RSF1: variants seen among roughly 807,000 people sequenced by gnomAD.
RSF1 encodes the protein HBV pX-associated protein 8.
A neutral mutation model predicts 145.2 loss-of-function variants in RSF1; 13 were observed. The ratio of observed to expected loss-of-function variants is 0.09; its 90% confidence interval spans 0.06 to 0.14. The LOEUF (loss-of-function observed/expected upper bound fraction) is 0.14, where lower values mean the gene tolerates loss of function less well. Among genes scored for constraint, RSF1 ranks in the 10% least tolerant of loss-of-function variants. The pLI is 1.00. For synonymous variants in RSF1, 577 were observed against 592.6 expected (o/e 0.97, Z 0.38); for missense variants, 1,517 against 1,718.2 (o/e 0.88, Z 2.07).
chr11:77,685,779 T>C (rs1959987979), intron 9 of RSF1, among the ~76,000 whole-genome samples: 1 of 152,210 alleles, frequency 6.6e-6, no homozygotes, highest in Non-Finnish European at 1.5e-5. Context: ...TAAGATTAGA[T>C]GGAAAGCCAC....
chr11:77,704,732 G>T lies in RSF1; in HGVS notation c.734-2237C>A, dbSNP rs370200903. 5.1e-3 allele frequency among the ~76,000 whole-genome samples: 748 copies of T among 147,298 alleles called. 10 individuals carry two copies. The highest frequency in any genetic ancestry group is 0.017 in the African/African-American group (699 of 40,058). ...TATTCTAAAAATGTTAAATTCTTTG[G>T]TTTTTTGTGTGTTTGCCTTGGTTTT... On this transcript the variant is annotated intron_variant, in intron 5 of 15. Coordinates refer to ENST00000308488, the MANE Select transcript of RSF1 (RefSeq NM_016578.4).
intron 5 of RSF1, among the ~76,000 whole-genome samples, chr11:77,725,156 G>A (rs1274204837): frequency 6.6e-6 from 1 of 152,168 alleles, no homozygotes; most frequent in African/African-American, 2.4e-5. Context: ...GAGATGGATG[G>A]TGGTGATGGG....
the RSF1 span, among the ~76,000 whole-genome samples, chr11:77,857,034 A>G: frequency 6.6e-6 from 1 of 152,258 alleles, no homozygotes; most frequent in Non-Finnish European, 1.5e-5. Flanking sequence ...GTGTAGCATC[A>G]TTAATTCACT....
At chr11:77,842,594 G>T in the RSF1 span, 2 of 1,613,912 alleles carry the variant, frequency 1.2e-6, no homozygotes, top group Non-Finnish European at 1.7e-6. Flanking sequence ...CCAGGGGGTA[G>T]TCGGACTTGG....
chr11:77,676,609 A>C (rs1313341312), intron 13 of RSF1, among the ~76,000 whole-genome samples, 183 bp downstream of exon 13: 1 of 152,218 alleles, frequency 6.6e-6, no homozygotes, highest in Non-Finnish European at 1.5e-5. Flanking sequence ...TTTCTGTTCT[A>C]AACTTTAAAA....
chr11:77,776,955 T>C (rs937561130), intron 1 of RSF1, among the ~76,000 whole-genome samples: 1 of 152,148 alleles, frequency 6.6e-6, no homozygotes, highest in South Asian at 2.1e-4. Context: ...CTGAACTTCT[T>C]GAACTACAAA....
In RSF1 at chr11:77,664,737, C is replaced by T. The variant is rs1959320056; in HGVS notation, c.*2180G>A. The T allele has an allele frequency of 1.3e-5, 2 of 152,170 alleles. No individual in the cohort carries two copies. 9.4% of individuals were successfully genotyped at this position (152,170 alleles called of 1,614,324 possible). On this transcript the variant is annotated 3_prime_UTR_variant, in exon 16 of 16. Coordinates refer to ENST00000308488, the MANE Select transcript of RSF1 (RefSeq NM_016578.4). ...TGCACTAGTAGAAATCTTTATATTG[C>T]TTGCCTGTTTTAGATGGTTTAAAAG...
chr11:77,831,623 T>C, the RSF1 span, among the ~76,000 whole-genome samples: 1 of 152,016 alleles, frequency 6.6e-6, no homozygotes, highest in East Asian at 1.9e-4. Flanking sequence ...TCCCAAGCCA[T>C]GCTTACTATG....
intron 4 of RSF1, among the ~76,000 whole-genome samples, chr11:77,726,937 C>T (rs190431671): frequency 3.5e-4 from 53 of 152,262 alleles, no homozygotes; most frequent in African/African-American, 1.3e-3. Flanking sequence ...AGAACAGATT[C>T]TCTTGAGTAT....
rs148115900 is a variant in RSF1 at position 77,674,569 on chromosome 11, C to T, written c.3562+467G>A. 2.7e-3 allele frequency among the ~76,000 whole-genome samples: 415 copies of T among 152,316 alleles called. 1 individual carries two copies. Among genetic ancestry groups the T allele is most frequent in the Non-Finnish European group, 2.9e-3 (200 of 68,030 alleles). On this transcript the variant is annotated intron_variant, in intron 14 of 15. Coordinates refer to ENST00000308488, the MANE Select transcript of RSF1 (RefSeq NM_016578.4). ...TTGACAACCAAGGAGTCATCACAAT[C>T]CTACTAGGCATCTGATATGAAGTTA...
chr11:77,872,145 T>G, the RSF1 span: 1 of 1,603,782 alleles, frequency 6.2e-7, no homozygotes, highest in East Asian at 2.2e-5. Flanking sequence ...CCTTTCCCCC[T>G]ACTTACTCAT....
intron 13 of RSF1, 146 bp downstream of exon 13, chr11:77,676,646 C>T (rs1161532102): frequency 1.8e-6 from 1 of 567,262 alleles, no homozygotes; most frequent in East Asian, 2.9e-5. Flanking sequence ...ATTCTTGAAT[C>T]TGCTTTAAAT....
chr11:77,686,627 A>T (rs1467504876), intron 9 of RSF1, among the ~76,000 whole-genome samples: 1 of 151,980 alleles, frequency 6.6e-6, no homozygotes, highest in Non-Finnish European at 1.5e-5. Context: ...TGCCCTGCTA[A>T]CAAGAATATT....
the RSF1 span, chr11:77,869,661 A>T: frequency 6.9e-7 from 1 of 1,457,616 alleles, no homozygotes; most frequent in Non-Finnish European, 9.6e-7. Flanking sequence ...TCCCACAAGA[A>T]TGCCTATTGC....
At chr11:77,737,334 G>C (rs1961378779) in intron 4 of RSF1, among the ~76,000 whole-genome samples, 1 of 151,936 alleles carries the variant, frequency 6.6e-6, no homozygotes, top group Non-Finnish European at 1.5e-5. Flanking sequence ...TGTAATCCCA[G>C]CTACTCAGGA....
the RSF1 span, among the ~76,000 whole-genome samples, chr11:77,840,548 A>C: frequency 6.6e-6 from 1 of 152,218 alleles, no homozygotes; most frequent in African/African-American, 2.4e-5. Context: ...AAAAGTGTTT[A>C]ATGTATTTCT....
chr11:77,795,946 T>C (rs1948567948), intron 1 of RSF1, among the ~76,000 whole-genome samples: 1 of 152,278 alleles, frequency 6.6e-6, no homozygotes, highest in Non-Finnish European at 1.5e-5. Context: ...TAGAGGTGTA[T>C]GTGTCCAGGA....
chr11:77,777,736 G>A (rs938371089), intron 1 of RSF1, among the ~76,000 whole-genome samples: 4 of 152,012 alleles, frequency 2.6e-5, no homozygotes, highest in African/African-American at 9.7e-5. Flanking sequence ...TGTAATCCTA[G>A]CTACTCGAGA....
intron 1 of RSF1, among the ~76,000 whole-genome samples, chr11:77,773,845 TAA>T (rs1235831464): frequency 2.6e-5 from 4 of 152,168 alleles, no homozygotes. Context: ...GTACACTGGC[TAA>T]AAAAGTGTTT....
Sources: gnomAD v4.1 joint callset for allele counts (sites outside exome capture counted in the v4.1 genomes callset) on GRCh38, gnomAD v4.1.1 for gene constraint, MANE v1.5 for transcripts, NCBI Gene and HGNC (gene_info 2026-07-23, HGNC 2026-07-21) for gene names.